Variants in GRIK5 observed in about 807,000 individuals in gnomAD.
GRIK5 encodes glutamate receptor ionotropic, kainate 5.
A neutral mutation model predicts 97.4 loss-of-function variants in GRIK5; 43 were observed. The ratio of observed to expected loss-of-function variants is 0.44; its 90% CI spans 0.35 to 0.57. GRIK5 has a LOEUF of 0.57. Among genes scored for constraint, GRIK5 ranks in the 20% least tolerant of loss-of-function variants. The pLI, the probability that GRIK5 is intolerant of heterozygous loss-of-function variation, is 0.01. For synonymous variants in GRIK5, 580 were observed against 583.5 expected (o/e 0.99, Z 0.09); for missense variants, 1,015 against 1,382.0 (o/e 0.73, Z 4.21).
chr19:42,024,708 C>T (rs1432366902), intron 12 of GRIK5, among the ~76,000 whole-genome samples: 2 of 152,092 alleles, frequency 1.3e-5, no homozygotes, highest in African/African-American at 2.4e-5. Context: ...AGGCAGCCGA[C>T]GGCTCCCCCA....
rs1172808349 is a variant in GRIK5 at position 42,062,681 on chromosome 19, A to C, written c.343-28T>G. On this transcript the variant is annotated intron_variant, in intron 4 of 19. Transcript: ENST00000593562. This position sits in a 1 kb window ranked among gnomAD's most constrained non-coding sequence, Gnocchi z 5.3. ...GGACAGAGAGGAAACTTTGGCCTCC[A>C]TCCTGCTTCTCCGCCCAGCCCTCGC... is the stretch of plus-strand genomic sequence containing the variant. 2 of 1,613,732 alleles carry C rather than the reference A, an allele frequency of 1.2e-6. No homozygotes were observed. Among genetic ancestry groups the C allele is most frequent in the African/African-American group, 1.3e-5 (1 of 74,976 alleles).
intron 15 of GRIK5, among the ~76,000 whole-genome samples, chr19:42,009,415 G>C (rs1568884343): frequency 1.4e-5 from 2 of 146,802 alleles, no homozygotes; most frequent in African/African-American, 2.5e-5. Context: ...GATAATTTTT[G>C]TATTTTTTGT....
Position 42,022,339 on chromosome 19 carries a change from C to T in GRIK5, c.1489G>A (p.Val497Met), listed in dbSNP as rs764545491. The T allele has an allele frequency of 1.2e-6, 2 of 1,613,660 alleles. No individual in the cohort carries two copies. The highest frequency in any genetic ancestry group is 1.7e-6 in the Non-Finnish European group (2 of 1,179,826). ...TCAGCTGTGATGGTGAAGGCGGCCA[C>T]AGCCAGGTCTGCCTTCTGCTGGAGG... ...ELINRKADLA[V>M]AAFTITAERE... is the part of the protein sequence containing the mutation. The change falls in exon 13 of 20, where the codon GTG (valine) becomes ATG (methionine). Residue 497 changes from valine (V) to methionine (M), a missense_variant. Coordinates refer to ENST00000593562, the MANE Select transcript of GRIK5 (RefSeq NM_002088.5). The surrounding 1 kb of genome is among the most constrained non-coding windows in gnomAD (Gnocchi z 4.2).
chr19:42,036,447 G>A (rs1234613148), intron 12 of GRIK5, among the ~76,000 whole-genome samples: 2 of 152,036 alleles, frequency 1.3e-5, no homozygotes, highest in Non-Finnish European at 2.9e-5. Context: ...CAACCTCCCA[G>A]ACTCAGGTGA....
intron 12 of GRIK5, among the ~76,000 whole-genome samples, chr19:42,023,067 G>A (rs181683072): frequency 1.2e-4 from 19 of 152,162 alleles, no homozygotes; most frequent in South Asian, 4.2e-4. Context: ...ACCAGGTAGA[G>A]AGAGGTGGCA....
At chr19:42,015,016 AT>A (rs1384226672) in intron 15 of GRIK5, among the ~76,000 whole-genome samples, 3 of 152,268 alleles carry the variant, frequency 2.0e-5, no homozygotes, top group Non-Finnish European at 4.4e-5. Flanking sequence ...CTATATTAGT[AT>A]CAAAAAATGT....
In GRIK5 at chr19:42,054,337, T is replaced by C. The variant is rs2076154487; in HGVS notation, c.1039A>G (p.Met347Val). 2 of 1,611,464 alleles carry C rather than the reference T, an allele frequency of 1.2e-6. No homozygotes were observed. The highest frequency in any genetic ancestry group is 1.7e-6 in the Non-Finnish European group (2 of 1,178,602). The change falls in exon 9 of 20, where the codon ATG becomes GTG. Residue 347 changes from methionine to valine, a missense_variant. This residue lies in a region of GRIK5 where 477 missense variants were observed against 701.1 expected (regional missense o/e 0.68). Coordinates refer to ENST00000593562, the MANE Select transcript of GRIK5 (RefSeq NM_002088.5). ...ANIWPHGTSLMNYLRMVEYDG... is the reference protein window; with the variant it reads ...ANIWPHGTSLVNYLRMVEYDG... ...GGGCTCACCATGCGCAGGTAGTTCA[T>C]GAGGCTGGTCCCGTGGGGCCAAATG...
chr19:42,017,197 G>A (rs1372404012), intron 15 of GRIK5, among the ~76,000 whole-genome samples: 1 of 152,128 alleles, frequency 6.6e-6, no homozygotes, highest in Non-Finnish European at 1.5e-5. Context: ...CAACTATTTC[G>A]ATGTGTCAGA....
chr19:42,068,401 C>T (rs1316496041), intron 1 of GRIK5: 1 of 235,454 alleles, frequency 4.2e-6, no homozygotes, highest in East Asian at 7.4e-5. Context: ...ACACAGAAGT[C>T]GGGAGAGAGA....
chr19:42,059,379 G>A lies in GRIK5; in HGVS notation c.657C>T (p.Asn219=), dbSNP rs144961263. The A allele has an allele frequency of 1.1e-4, 177 of 1,613,674 alleles. No individual in the cohort carries two copies. In the South Asian group the frequency reaches 1.2e-3, roughly 11 times the overall value. Residue 219 remains asparagine (N), a synonymous_variant, in exon 6 of 20, where the codon AAC becomes AAT. Transcript: ENST00000593562. ...GGAGGATGAGGTGGGAGATGGAGGC[G>A]TTGGCGTCGATGATGATGGTGGACA... ...DKVSTIIIDA[N]ASISHLILRK...
At position 42,054,621 on chromosome 19, in the gene GRIK5, G is replaced by A. The variant is rs2076159561; in HGVS notation, c.904-149C>T. On this transcript the variant is annotated intron_variant, in intron 8 of 19. Coordinates refer to ENST00000593562, the MANE Select transcript of GRIK5 (RefSeq NM_002088.5). Reference sequence around the variant, plus strand: ...CTGGGTGGGTCAGGAGTGAGGAAGTGGCTCTGGTGTCTTTCTTGGGAAGTG... The same window carrying A: ...CTGGGTGGGTCAGGAGTGAGGAAGTAGCTCTGGTGTCTTTCTTGGGAAGTG... The A allele has an allele frequency of 4.9e-6, 4 of 808,194 alleles. No homozygotes were observed. In the South Asian group the frequency reaches 5.5e-5, roughly 11 times the overall value. 50.1% of individuals were successfully genotyped at this position (808,194 alleles called of 1,614,324 possible).
rs764736604 is a variant in GRIK5, at chr19:42,056,633, T to C, written c.903+29A>G. ...CAGAAGTATCTGTGCAGAGTGTTTCTGGGTGTGACTGGGTATCTGTGTGCT... is the reference window on the plus strand; with the variant it reads ...CAGAAGTATCTGTGCAGAGTGTTTCCGGGTGTGACTGGGTATCTGTGTGCT... On this transcript the variant is annotated intron_variant, in intron 8 of 19. Coordinates refer to ENST00000593562, the MANE Select transcript of GRIK5 (RefSeq NM_002088.5). 2.5e-6 allele frequency: 4 copies of C among 1,605,934 alleles called. No homozygotes were observed. The Admixed American group carries it at 5.0e-5, about 20-fold the overall frequency.
chr19:42,049,352 A>C (rs2076083459), intron 11 of GRIK5, among the ~76,000 whole-genome samples: 1 of 152,242 alleles, frequency 6.6e-6, no homozygotes, highest in African/African-American at 2.4e-5. Flanking sequence ...AAGACATGGA[A>C]GAGAACCTTC....
chr19:41,998,768 A>C lies in GRIK5; in HGVS notation c.*103T>G, dbSNP rs1381110700. ...ATCGCGGCGTCCGGGGCGCCGGCGC[A>C]CAAGTCCTGTCCCGCGCCCGCTGCG... On this transcript the variant is annotated 3_prime_UTR_variant, in exon 20 of 20. Coordinates refer to ENST00000593562, the MANE Select transcript of GRIK5 (RefSeq NM_002088.5). 11 of 516,960 alleles carry C rather than the reference A, an allele frequency of 2.1e-5. No homozygotes were observed. The highest frequency in any genetic ancestry group is 2.8e-5 in the Non-Finnish European group (11 of 391,148). The allele number at this position is 516,960 out of a possible 1,614,324, so 32.0% of individuals were successfully genotyped here.
intron 15 of GRIK5, among the ~76,000 whole-genome samples, chr19:42,014,603 T>TA (rs1014509569): frequency 4.0e-5 from 6 of 151,798 alleles, no homozygotes; most frequent in African/African-American, 1.5e-4. Flanking sequence ...GCCAACATGG[T>TA]GAAACCCTGC....
At chr19:42,069,068 T>C (rs2146200395) in intron 1 of GRIK5, 173 bp downstream of exon 1, 94 of 402,002 alleles carry the variant, frequency 2.3e-4, no homozygotes, top group East Asian at 5.1e-4. Flanking sequence ...TGAGAAGAGG[T>C]CGAGGTGAAT....
At chr19:42,054,845 C>G (rs989613063) in intron 8 of GRIK5, among the ~76,000 whole-genome samples, 1 of 152,046 alleles carries the variant, frequency 6.6e-6, no homozygotes, top group African/African-American at 2.4e-5. Flanking sequence ...GTCTGGGGCA[C>G]GTTTACATGA....
rs2076230081 is a variant in GRIK5, at chr19:42,059,404, ACCTTG to A, written c.627_631del (p.Lys210ValfsTer18). ...GTTGGCGTCGATGATGATGGTGGACACCTTGTCATCACGGATCTCCTTGAGCAGTG... is the reference window on the plus strand; with the variant it reads ...GTTGGCGTCGATGATGATGGTGGACATCATCACGGATCTCCTTGAGCAGTG... On this transcript the variant is annotated frameshift_variant, in exon 6 of 20. Transcript: ENST00000593562. LOFTEE classifies it high-confidence loss of function. The A allele has an allele frequency of 6.2e-7, 1 of 1,613,786 alleles. No individual in the cohort carries two copies.
intron 15 of GRIK5, among the ~76,000 whole-genome samples, chr19:42,018,994 G>T (rs2075664861): frequency 6.6e-6 from 1 of 152,206 alleles, no homozygotes; most frequent in African/African-American, 2.4e-5. Context: ...AGGACTTTGG[G>T]TGCAGAAGAG....
Sources: allele counts gnomAD v4.1 joint callset (sites outside exome capture counted in the v4.1 genomes callset), GRCh38; gene constraint gnomAD v4.1.1; regional missense constraint gnomAD v4.1.1; non-coding constraint Gnocchi (gnomAD v3.1); transcripts MANE v1.5; gene names NCBI Gene and HGNC (gene_info 2026-07-23, HGNC 2026-07-21).